The following SEC11A variants were observed in gnomAD, a reference collection of about 807,000 sequenced individuals.
SEC11A encodes the protein signal peptidase complex catalytic subunit SEC11A.
Under a neutral mutation model 25.6 loss-of-function variants are expected in SEC11A, and 14 were observed. The ratio of observed to expected loss-of-function variants is 0.55; its 90% confidence interval spans 0.36 to 0.85. The LOEUF (loss-of-function observed/expected upper bound fraction) is 0.85, where lower values mean the gene tolerates loss of function less well. SEC11A is among the 40% of genes least tolerant of loss of function. The pLI is 0.01. For synonymous variants in SEC11A, 83 were observed against 76.4 expected, an observed-to-expected ratio of 1.09 and a Z score of -0.45; for missense variants, 153 against 222.9, an observed-to-expected ratio of 0.69 and a Z score of 2.00.
chr15:84,701,656 A>C (rs1897946478), intron 1 of SEC11A, among the ~76,000 whole-genome samples: 1 of 152,210 alleles, frequency 6.6e-6, no homozygotes, highest in Admixed American at 6.5e-5. Context: ...ATGCACTTTA[A>C]ATATAAAGAC....
chr15:84,694,632 A>T (rs944397290), intron 1 of SEC11A, among the ~76,000 whole-genome samples: 3 of 152,150 alleles, frequency 2.0e-5, no homozygotes, highest in African/African-American at 7.2e-5. Context: ...CTGTTTGTTT[A>T]CTTTCATACT....
chr15:84,690,945 C>T (rs72750889), intron 2 of SEC11A, among the ~76,000 whole-genome samples: 36 of 152,032 alleles, frequency 2.4e-4, no homozygotes, highest in Non-Finnish European at 4.0e-4. Flanking sequence ...AAATAAAGTA[C>T]AACGAGACAC....
intron 4 of SEC11A, among the ~76,000 whole-genome samples, chr15:84,678,935 AGT>A (rs1897212348): frequency 6.6e-6 from 1 of 151,944 alleles, no homozygotes; most frequent in South Asian, 2.1e-4. Flanking sequence ...CAGAGGTTGC[AGT>A]GAGCTGAGAT....
At chr15:84,679,497 A>G (rs2141877373) in intron 4 of SEC11A, among the ~76,000 whole-genome samples, 1 of 152,266 alleles carries the variant, frequency 6.6e-6, no homozygotes, top group Middle Eastern at 3.4e-3. Flanking sequence ...TTCCTTCTCT[A>G]TGGGAACTGC....
intron 1 of SEC11A, among the ~76,000 whole-genome samples, chr15:84,697,419 A>G (rs1897800156): frequency 6.6e-6 from 1 of 152,228 alleles, no homozygotes; most frequent in Non-Finnish European, 1.5e-5. Flanking sequence ...GTAGCTAATC[A>G]TCAAGATCAT....
rs1898195513 is a variant in SEC11A at position 84,709,427 on chromosome 15, A to T, written c.51+6598T>A. ...TTCTTATGTTAAGAACTCTGTTTGTATTTGTTTTTGTTTTTGGTATTGTTT... is the reference window on the plus strand; with the variant it reads ...TTCTTATGTTAAGAACTCTGTTTGTTTTTGTTTTTGTTTTTGGTATTGTTT... On this transcript the variant is annotated intron_variant, in intron 1 of 5. Coordinates refer to ENST00000268220, the MANE Select transcript of SEC11A (RefSeq NM_014300.4). Among the ~76,000 whole-genome samples the T allele has an allele frequency of 2.0e-5, 3 of 151,888 alleles. No individual in the cohort carries two copies. In the South Asian group the frequency reaches 6.2e-4, roughly 31 times the overall value.
rs373819545 is a variant in SEC11A, at chr15:84,716,066, G to C, written c.10C>G (p.Leu4Val). ...CGCCGCACATCGTCCAAAAAGTCTA[G>C]AGACAGCATGGCGGGGACGGCGAGC... Reference protein sequence around the residue: MLSLDFLDDVRRMN... With the variant: MLSVDFLDDVRRMN... Residue 4 changes from leucine to valine, a missense_variant, in exon 1 of 6, where the codon CTA (leucine) becomes GTA (valine). By Grantham distance (32) the Leu-to-Val change is conservative. Transcript: ENST00000268220. 5.5e-5 allele frequency: 88 copies of C among 1,613,722 alleles called. No homozygotes were observed. Among genetic ancestry groups the C allele is most frequent in the Non-Finnish European group, 7.2e-5 (85 of 1,179,826 alleles).
chr15:84,674,534 T>C (rs1427905654), intron 4 of SEC11A, among the ~76,000 whole-genome samples: 4 of 151,988 alleles, frequency 2.6e-5, no homozygotes, highest in Non-Finnish European at 5.9e-5. Context: ...CATAGCCTGC[T>C]TGTGAATAAT....
At chr15:84,683,860 C>T (rs1471396823) in intron 3 of SEC11A, among the ~76,000 whole-genome samples, 1 of 152,152 alleles carries the variant, frequency 6.6e-6, no homozygotes, top group African/African-American at 2.4e-5. Flanking sequence ...CAGCATTTCA[C>T]AAGTCATAGG....
intron 3 of SEC11A, 67 bp downstream of exon 3, chr15:84,687,558 A>G (rs935295529): frequency 4.4e-6 from 6 of 1,372,612 alleles, no homozygotes; most frequent in Non-Finnish European, 5.8e-6. Flanking sequence ...TTAGGCTATC[A>G]AAACTAAATA....
rs1168762333 is a variant in SEC11A at position 84,673,405 on chromosome 15, A to C, written c.432-2623T>G. 5.5e-5 allele frequency: 10 copies of C among 182,774 alleles called. No homozygotes were observed. The South Asian group carries it at 8.3e-4, about 15-fold the overall frequency. 11.3% of individuals were successfully genotyped at this position (182,774 alleles called of 1,614,324 possible). On this transcript the variant is annotated intron_variant, in intron 4 of 5. Coordinates refer to ENST00000268220, the MANE Select transcript of SEC11A (RefSeq NM_014300.4). Reference sequence around the variant, plus strand: ...TGGGAGACTTTTCATTTTGTTCTGTACTAAGAAAAATTCTTCTGCCTTGGG... The same window carrying C: ...TGGGAGACTTTTCATTTTGTTCTGTCCTAAGAAAAATTCTTCTGCCTTGGG...
At chr15:84,689,366 G>C (rs963234091) in intron 2 of SEC11A, among the ~76,000 whole-genome samples, 15 of 152,090 alleles carry the variant, frequency 9.9e-5, no homozygotes, top group Admixed American at 9.2e-4. Context: ...AATTGATCAA[G>C]TTGTATACAT....
At chr15:84,678,493 G>A (rs913582353) in intron 4 of SEC11A, among the ~76,000 whole-genome samples, 1 of 152,168 alleles carries the variant, frequency 6.6e-6, no homozygotes. Flanking sequence ...GAGACTGACT[G>A]AATAAAATCT....
At chr15:84,685,251 TTTTTC>T (rs937755550) in intron 3 of SEC11A, among the ~76,000 whole-genome samples, 6 of 152,098 alleles carry the variant, frequency 3.9e-5, no homozygotes, top group Non-Finnish European at 8.8e-5. Flanking sequence ...ATTCAATTTC[TTTTTC>T]TTTTCTTTTT....
intron 3 of SEC11A, among the ~76,000 whole-genome samples, chr15:84,681,715 C>G (rs1451252477): frequency 1.3e-5 from 2 of 152,088 alleles, no homozygotes; most frequent in East Asian, 3.9e-4. Flanking sequence ...CAGATTCAAA[C>G]AAATTGTTTA....
chr15:84,690,230 T>G (rs1897563484), intron 2 of SEC11A, among the ~76,000 whole-genome samples: 3 of 152,098 alleles, frequency 2.0e-5, no homozygotes, highest in Admixed American at 2.0e-4. Context: ...AGTGAATAAG[T>G]CTCACGAGAT....
rs1364688829 is a variant in SEC11A, at chr15:84,703,146, TCTC to T, written c.52-11505_52-11503del. On this transcript the variant is annotated intron_variant, in intron 1 of 5. Coordinates refer to ENST00000268220, the MANE Select transcript of SEC11A (RefSeq NM_014300.4). ...GCTATACTGTCCTTTGGAGAATTAT[TCTC>T]CTCTTGAGTAACAGCTTTTTGTTTG... is the stretch of plus-strand genomic sequence containing the variant. 2.6e-5 allele frequency among the ~76,000 whole-genome samples: 4 copies of T among 152,298 alleles called. No individual in the cohort carries two copies. The East Asian group carries it at 7.7e-4, about 29-fold the overall frequency.
chr15:84,686,485 C>G (rs1313146080), intron 3 of SEC11A: 1 of 152,306 alleles, frequency 6.6e-6, no homozygotes, highest in Non-Finnish European at 1.5e-5. Context: ...GTGGCACATG[C>G]CTGTAATCCC....
intron 1 of SEC11A, among the ~76,000 whole-genome samples, chr15:84,714,170 C>G (rs1216039927): frequency 6.6e-6 from 1 of 152,188 alleles, no homozygotes; most frequent in Admixed American, 6.5e-5. Context: ...CGTGCGCCAA[C>G]AGGCCCAGCT....
Sources: gnomAD v4.1 joint callset for allele counts (sites outside exome capture counted in the v4.1 genomes callset) on GRCh38, gnomAD v4.1.1 for gene constraint, MANE v1.5 for transcripts, NCBI Gene and HGNC (gene_info 2026-07-23, HGNC 2026-07-21) for gene names.